RBL2: variants seen among roughly 807,000 people sequenced by gnomAD.
The protein encoded by RBL2 is RB transcriptional corepressor like 2, also known as retinoblastoma-like protein 2.
RBL2 carries 56 observed loss-of-function variants against 126.0 expected under a neutral mutation model. The ratio of observed to expected loss-of-function variants is 0.44; its 90% CI spans 0.36 to 0.56. RBL2 has a LOEUF of 0.56. Ranked by LOEUF, RBL2 falls within the 20% of genes least tolerant of loss-of-function variation. The probability of loss-of-function intolerance (pLI) is 0.00; values close to 1 mark genes in which losing one functional copy is unlikely to be tolerated. For synonymous variants in RBL2, 454 were observed against 478.5 expected (o/e 0.95, Z 0.67); for missense variants, 1,229 against 1,398.2 (o/e 0.88, Z 1.93).
rs139221544 is a variant in RBL2, at chr16:53,470,881, C to T, written c.2662C>T (p.Leu888=). The T allele has an allele frequency of 4.8e-5, 77 of 1,613,804 alleles. No individual in the cohort carries two copies. The highest frequency in any genetic ancestry group is 3.4e-6 in the Non-Finnish European group (4 of 1,179,976). ...TCCTGAACTTATGATGGACAGACAT[C>T]TGGACCAGTTATTAATGTGTGCCAT... is the stretch of plus-strand genomic sequence containing the variant. ...QCPELMMDRH[L]DQLLMCAIYV... The change falls in exon 17 of 22, where the codon CTG becomes TTG. Residue 888 remains leucine (L), a synonymous_variant. Coordinates refer to ENST00000262133, the MANE Select transcript of RBL2 (RefSeq NM_005611.4).
At chr16:53,486,494 T>G (rs1961180869) in intron 21 of RBL2, among the ~76,000 whole-genome samples, 4 of 152,192 alleles carry the variant, frequency 2.6e-5, no homozygotes, top group African/African-American at 9.6e-5. Flanking sequence ...TACCAAACAT[T>G]TAAGGAAGAA....
chr16:53,490,076 A>AT, intron 21 of RBL2, 54 bp from the exon 22 acceptor site: 2 of 1,355,212 alleles, frequency 1.5e-6, no homozygotes, highest in Non-Finnish European at 2.0e-6. Context: ...TTGACTTAAT[A>AT]CTGAGCTATG....
At chr16:53,459,989 A>G (rs1200268796) in intron 9 of RBL2, among the ~76,000 whole-genome samples, 2 of 152,134 alleles carry the variant, frequency 1.3e-5, no homozygotes, top group African/African-American at 2.4e-5. Flanking sequence ...ACCTGAGGTA[A>G]GTTCTGAAGG....
At chr16:53,476,470 G>A (rs1379871135) in intron 17 of RBL2, among the ~76,000 whole-genome samples, 1 of 152,136 alleles carries the variant, frequency 6.6e-6, no homozygotes, top group Non-Finnish European at 1.5e-5. Flanking sequence ...GTGGAGGTTG[G>A]GGAGAGTGTT....
chr16:53,476,502 A>G (rs766854739), intron 17 of RBL2, among the ~76,000 whole-genome samples: 4 of 152,150 alleles, frequency 2.6e-5, no homozygotes, highest in South Asian at 4.1e-4. Context: ...TGTTAGGTCT[A>G]ATTGTTTTAT....
intron 10 of RBL2, 142 bp downstream of exon 10, chr16:53,461,992 A>G (rs191495212): frequency 4.6e-5 from 30 of 651,730 alleles, no homozygotes; most frequent in African/African-American, 1.9e-4. Flanking sequence ...TTTCTGGTCA[A>G]CCAACTGATT....
At chr16:53,476,644 G>A (rs184509677) in intron 17 of RBL2, among the ~76,000 whole-genome samples, 180 of 152,120 alleles carry the variant, frequency 1.2e-3, no homozygotes, top group African/African-American at 3.9e-3. Flanking sequence ...GTCACTTTTC[G>A]CTTCAGGTAT....
At chr16:53,446,337 A>ACG (rs2058061814) in intron 3 of RBL2, among the ~76,000 whole-genome samples, 4 of 96,066 alleles carry the variant, frequency 4.2e-5, no homozygotes, top group African/African-American at 1.9e-4. Flanking sequence ...CCAGGTGAGC[A>ACG]AGTACCCTAG....
At chr16:53,487,620 T>G (rs1961227622) in intron 21 of RBL2, 1 of 152,160 alleles carries the variant, frequency 6.6e-6, no homozygotes, top group African/African-American at 2.4e-5. Flanking sequence ...AGTGAACATG[T>G]TTTATGGGAA....
chr16:53,464,582 C>A, intron 12 of RBL2: 1 of 371,808 alleles, frequency 2.7e-6, no homozygotes, highest in Non-Finnish European at 4.6e-6. Flanking sequence ...GCTTTGATTC[C>A]TCTCTATCTA....
chr16:53,480,944 A>G (rs1960921821), intron 20 of RBL2, 175 bp downstream of exon 20: 1 of 555,790 alleles, frequency 1.8e-6, no homozygotes. Flanking sequence ...AGATCACTTG[A>G]GGTCAGGAGT....
In RBL2 at chr16:53,434,655, C is replaced by A. The variant is rs749828478; in HGVS notation, c.99C>A (p.Asp33Glu). ...AGGAGGACGACGGCGAGGCGGAAGA[C>A]GCCGCGCCGCCTGCCGAGTCGCCCA... ...EEEEDDGEAE[D>E]AAPPAESPTP... is the part of the protein sequence containing the mutation. The change falls in exon 1 of 22, where the codon GAC (aspartate) becomes GAA (glutamate). Residue 33 changes from aspartate to glutamate, a missense_variant. By Grantham distance (45) the Asp-to-Glu change is conservative. Coordinates refer to ENST00000262133, the MANE Select transcript of RBL2 (RefSeq NM_005611.4). The A allele has an allele frequency of 6.4e-7, 1 of 1,561,702 alleles. No homozygotes were observed. Among genetic ancestry groups the A allele is most frequent in the African/African-American group, 1.4e-5 (1 of 73,448 alleles).
intron 10 of RBL2, 60 bp downstream of exon 10, chr16:53,461,910 T>C (rs770959847): frequency 7.0e-5 from 96 of 1,378,668 alleles, no homozygotes; most frequent in Middle Eastern, 5.3e-4. Context: ...TGGAGTCATT[T>C]CTTACTAACT....
At chr16:53,435,361 A>G (rs2057948081) in intron 1 of RBL2, among the ~76,000 whole-genome samples, 1 of 152,132 alleles carries the variant, frequency 6.6e-6, no homozygotes, top group African/African-American at 2.4e-5. Flanking sequence ...GCCAGATGAA[A>G]TGAGCCCTCC....
At chr16:53,435,775 G>T (rs1198992871) in intron 1 of RBL2, 1 of 1,262,970 alleles carries the variant, frequency 7.9e-7, no homozygotes, top group African/African-American at 1.5e-5. Context: ...TTTTGGCTAT[G>T]TGTACTGATG....
intron 8 of RBL2, 85 bp downstream of exon 8, chr16:53,454,927 GT>G: frequency 8.3e-7 from 1 of 1,204,384 alleles, no homozygotes. Flanking sequence ...TCATGTTTGT[GT>G]TTTACTTGCC....
At position 53,461,842 on chromosome 16, in the gene RBL2, G is replaced by A; in HGVS notation, c.1448G>A (p.Cys483Tyr). The A allele has an allele frequency of 6.2e-7, 1 of 1,608,880 alleles. No homozygotes were observed. Residue 483 changes from cysteine (C) to tyrosine (Y), a missense_variant, in exon 10 of 22, where the codon TGT becomes TAT. Transcript: ENST00000262133. ...CAGCCAGACGAGGATTTCAGTAATT[G>A]TGCTAAAGGTAAGGTTTAACATTGT... ...HFQPDEDFSN[C>Y]AKEIASKHFR...
rs1053503490 is a variant in RBL2 at position 53,434,503 on chromosome 16, G to A, written c.-54G>A. On this transcript the variant is annotated 5_prime_UTR_variant, in exon 1 of 22. Transcript: ENST00000262133. ...GGGCGGGCGCTTCGCCGTTTGAATG[G>A]CTGCGGGCCCGGGCCCTCACCTCAC... 3.0e-6 allele frequency: 4 copies of A among 1,342,494 alleles called. No individual in the cohort carries two copies. The African/African-American group carries it at 6.1e-5, about 21-fold the overall frequency. The allele number at this position is 1,342,494 out of a possible 1,614,324, so 83.2% of individuals were successfully genotyped here.
At position 53,462,599 on chromosome 16, in the gene RBL2, G is replaced by A; in HGVS notation, c.1504G>A (p.Val502Ile). The change falls in exon 11 of 22, where the codon GTA becomes ATA. Residue 502 changes from valine to isoleucine, a missense_variant. Val to Ile is a conservative substitution (Grantham distance 29, BLOSUM62 3). Coordinates refer to ENST00000262133, the MANE Select transcript of RBL2 (RefSeq NM_005611.4). ...TTTTGCGGAGATGCTTTACTATAAAGTATTAGAATCTGTTATTGAGCAGGA... is the reference window on the plus strand; with the variant it reads ...TTTTGCGGAGATGCTTTACTATAAAATATTAGAATCTGTTATTGAGCAGGA... ...FRFAEMLYYK[V>I]LESVIEQEQK... 3.8e-6 allele frequency: 6 copies of A among 1,571,600 alleles called. No individual in the cohort carries two copies. The highest frequency in any genetic ancestry group is 5.1e-6 in the Non-Finnish European group (6 of 1,167,156).
Sources: gnomAD v4.1 joint callset for allele counts (sites outside exome capture counted in the v4.1 genomes callset) on GRCh38, gnomAD v4.1.1 for gene constraint, MANE v1.5 for transcripts, NCBI Gene and HGNC (gene_info 2026-07-23, HGNC 2026-07-21) for gene names.